Variants in EPHA6 observed in about 807,000 individuals in gnomAD.
The protein encoded by EPHA6 is EPH receptor A6.
A neutral mutation model predicts 112.0 loss-of-function variants in EPHA6; 50 were observed. The observed-to-expected ratio is 0.45, with a 90% CI of 0.36 to 0.56. The LOEUF is 0.56. Among genes scored for constraint, EPHA6 ranks in the 20% least tolerant of loss-of-function variants. The probability of loss-of-function intolerance (pLI) is 0.00; values close to 1 mark genes in which losing one functional copy is unlikely to be tolerated. For synonymous variants in EPHA6, 529 were observed against 490.7 expected (o/e 1.08, Z -1.03); for missense variants, 1,280 against 1,417.4 (o/e 0.90, Z 1.56).
intron 10 of EPHA6, among the ~76,000 whole-genome samples, chr3:97,491,819 C>T (rs1192459391): frequency 6.6e-6 from 1 of 151,884 alleles, no homozygotes; most frequent in African/African-American, 2.4e-5. Flanking sequence ...AATCCCACAG[C>T]CACCATGTGT....
At chr3:97,320,823 T>TAAAAA (rs1436490113) in intron 5 of EPHA6, among the ~76,000 whole-genome samples, 5 of 80,816 alleles carry the variant, frequency 6.2e-5, no homozygotes, top group Non-Finnish European at 1.3e-4. Context: ...GGGCAAAAAA[T>TAAAAA]AAAAAAAATA....
chr3:96,834,896 A>C (rs2034308878), intron 1 of EPHA6, among the ~76,000 whole-genome samples: 1 of 152,014 alleles, frequency 6.6e-6, no homozygotes, highest in Non-Finnish European at 1.5e-5. Context: ...GATGGGGTTT[A>C]TGAGCAGGTG....
At chr3:97,700,424 T>G (rs956767491) in intron 14 of EPHA6, among the ~76,000 whole-genome samples, 1 of 152,184 alleles carries the variant, frequency 6.6e-6, no homozygotes, top group Non-Finnish European at 1.5e-5. Flanking sequence ...AAGTCACAAA[T>G]TCTGAGCTGC....
intron 3 of EPHA6, among the ~76,000 whole-genome samples, chr3:97,089,955 A>G (rs2047012073): frequency 6.6e-6 from 1 of 152,136 alleles, no homozygotes; most frequent in Admixed American, 6.6e-5. Context: ...AATATAAATC[A>G]TATTGAAATT....
chr3:97,038,067 A>ATATGTT (rs1199198454), intron 3 of EPHA6, among the ~76,000 whole-genome samples: 1 of 152,000 alleles, frequency 6.6e-6, no homozygotes, highest in East Asian at 1.9e-4. Flanking sequence ...AGTACATGAG[A>ATATGTT]TATGTTTATA....
chr3:97,618,335 C>G (rs1232047165), intron 13 of EPHA6, among the ~76,000 whole-genome samples: 1 of 151,900 alleles, frequency 6.6e-6, no homozygotes, highest in Admixed American at 6.6e-5. Flanking sequence ...GGAAGGAACT[C>G]AAGTCATCAA....
intron 1 of EPHA6, among the ~76,000 whole-genome samples, chr3:96,823,916 A>G (rs1282981305): frequency 6.6e-6 from 1 of 151,806 alleles, no homozygotes; most frequent in Non-Finnish European, 1.5e-5. Flanking sequence ...ATTGCTTAAC[A>G]TGGTTAGAAA....
chr3:97,462,785 G>A (rs932728018), intron 7 of EPHA6, among the ~76,000 whole-genome samples: 3 of 152,076 alleles, frequency 2.0e-5, no homozygotes, highest in African/African-American at 7.2e-5. Context: ...CATAATAACT[G>A]AAAAGAAGGC....
chr3:96,953,853 C>T (rs2041652297), intron 2 of EPHA6, among the ~76,000 whole-genome samples: 1 of 151,936 alleles, frequency 6.6e-6, no homozygotes. Context: ...GCTTTGTCTC[C>T]TTTCCCCTGG....
At chr3:96,816,922 T>G (rs2032836956) in intron 1 of EPHA6, among the ~76,000 whole-genome samples, 1 of 151,428 alleles carries the variant, frequency 6.6e-6, no homozygotes, top group Admixed American at 6.6e-5. Flanking sequence ...TACAGATGTT[T>G]GACCTAGAAT....
intron 16 of EPHA6, among the ~76,000 whole-genome samples, chr3:97,737,673 T>C (rs760031917): frequency 6.6e-6 from 1 of 151,996 alleles, no homozygotes; most frequent in Non-Finnish European, 1.5e-5. Flanking sequence ...CTGTGGGACA[T>C]CTAGACAGTT....
At chr3:97,652,126 A>G (rs1465446366) in intron 14 of EPHA6, among the ~76,000 whole-genome samples, 2 of 152,094 alleles carry the variant, frequency 1.3e-5, no homozygotes, top group African/African-American at 4.8e-5. Flanking sequence ...AAAGATACCA[A>G]CAGAGGAAAT....
At chr3:96,836,837 T>C (rs1318450581) in intron 1 of EPHA6, among the ~76,000 whole-genome samples, 2 of 152,214 alleles carry the variant, frequency 1.3e-5, no homozygotes, top group Admixed American at 6.5e-5. Context: ...GGTTATTAGA[T>C]TGAAATAGGG....
At chr3:97,593,986 T>C (rs2093566337) in intron 12 of EPHA6, among the ~76,000 whole-genome samples, 1 of 152,198 alleles carries the variant, frequency 6.6e-6, no homozygotes, top group African/African-American at 2.4e-5. Context: ...TTGATGATGT[T>C]GTTGCAAAGG....
At chr3:97,423,383 G>T (rs770036231) in intron 6 of EPHA6, among the ~76,000 whole-genome samples, 3 of 152,014 alleles carry the variant, frequency 2.0e-5, no homozygotes, top group Non-Finnish European at 4.4e-5. Context: ...GTCAAATCAA[G>T]AATACAATTC....
intron 2 of EPHA6, among the ~76,000 whole-genome samples, chr3:96,958,777 C>T (rs2041855010): frequency 6.6e-6 from 1 of 152,144 alleles, no homozygotes; most frequent in South Asian, 2.1e-4. Context: ...GGAACTCACC[C>T]ATGTTGATGA....
intron 11 of EPHA6, among the ~76,000 whole-genome samples, chr3:97,584,750 T>C (rs969807255): frequency 3.9e-5 from 6 of 152,078 alleles, no homozygotes; most frequent in African/African-American, 1.2e-4. Flanking sequence ...CATGGAGACA[T>C]GAAATGGTCT....
intron 4 of EPHA6, among the ~76,000 whole-genome samples, chr3:97,243,231 G>C (rs2078898785): frequency 6.6e-6 from 1 of 151,802 alleles, no homozygotes; most frequent in Non-Finnish European, 1.5e-5. Context: ...TTAGTTTAAA[G>C]GACACACCTA....
At chr3:97,125,540 G>A (rs1201267464) in intron 3 of EPHA6, among the ~76,000 whole-genome samples, 1 of 152,110 alleles carries the variant, frequency 6.6e-6, no homozygotes, top group Non-Finnish European at 1.5e-5. Flanking sequence ...GAAACATGGA[G>A]CTGTTTGATT....
Sources: gnomAD v4.1 joint callset for allele counts (sites outside exome capture counted in the v4.1 genomes callset) on GRCh38, gnomAD v4.1.1 for gene constraint, MANE v1.5 for transcripts, NCBI Gene and HGNC (gene_info 2026-07-23, HGNC 2026-07-21) for gene names.